Variants in CNOT6L observed in about 807,000 individuals in gnomAD.
The protein encoded by CNOT6L is CCR4-NOT transcription complex subunit 6-like.
Under a neutral mutation model 64.0 loss-of-function variants are expected in CNOT6L, and 7 were observed. The observed-to-expected ratio is 0.11, with a 90% CI of 0.06 to 0.21. CNOT6L has a LOEUF of 0.21. CNOT6L is among the 10% of genes least tolerant of loss of function. The pLI is 1.00. For missense variants in CNOT6L, 245 were observed against 669.0 expected, an observed-to-expected ratio of 0.37 and a Z score of 6.99; for synonymous variants, 193 against 243.4, an observed-to-expected ratio of 0.79 and a Z score of 1.93.
intron 5 of CNOT6L, among the ~76,000 whole-genome samples, chr4:77,753,124 A>T (rs183436585): frequency 9.2e-5 from 14 of 151,520 alleles, no homozygotes; most frequent in Admixed American, 8.5e-4. Flanking sequence ...ATAGAAAGAG[A>T]AATGGAAATC....
At chr4:77,816,269 A>T (rs994476303) in intron 1 of CNOT6L, among the ~76,000 whole-genome samples, 3 of 152,142 alleles carry the variant, frequency 2.0e-5, no homozygotes, top group Non-Finnish European at 1.5e-5. Flanking sequence ...CAAATTAAAA[A>T]ATATATATAT....
rs772685591 is a variant in CNOT6L at position 77,726,258 on chromosome 4, C to T, written c.1364G>A (p.Ser455Asn). The change falls in exon 11 of 12, where the codon AGC (serine) becomes AAC (asparagine). Residue 455 changes from serine (S) to asparagine (N), a missense_variant. This residue lies in a region of CNOT6L where 20 missense variants were observed against 38.3 expected (regional missense o/e 0.52). Transcript: ENST00000504123. ...MNFSCNGKNG[S>N]SEGRITHGFQ... ...GCCATGTGTGATTCTCCCTTCTGAG[C>T]TTCCATTCTTTCCATTGCAGCTGAA... 3.7e-6 allele frequency: 6 copies of T among 1,613,882 alleles called. No individual in the cohort carries two copies. Among genetic ancestry groups the T allele is most frequent in the Non-Finnish European group, 5.1e-6 (6 of 1,179,790 alleles).
At chr4:77,731,679 C>T (rs1722447554) in intron 8 of CNOT6L, 141 bp from the exon 9 acceptor site, 2 of 559,068 alleles carry the variant, frequency 3.6e-6, no homozygotes, top group Non-Finnish European at 5.9e-6. Context: ...GCCACTAAGA[C>T]ACAAGAAGTC....
At chr4:77,734,162 T>G (rs1411784161) in intron 8 of CNOT6L, among the ~76,000 whole-genome samples, 1 of 152,180 alleles carries the variant, frequency 6.6e-6, no homozygotes, top group Non-Finnish European at 1.5e-5. Context: ...CTGAAATGTT[T>G]TGATCTTTTT....
At chr4:77,797,851 T>C (rs1240347642) in intron 1 of CNOT6L, among the ~76,000 whole-genome samples, 1 of 152,180 alleles carries the variant, frequency 6.6e-6, no homozygotes, top group African/African-American at 2.4e-5. Context: ...ATGTTCAACA[T>C]GGATCACAGG....
intron 1 of CNOT6L, among the ~76,000 whole-genome samples, chr4:77,792,490 C>T (rs1257342295): frequency 1.3e-5 from 2 of 152,076 alleles, no homozygotes; most frequent in African/African-American, 2.4e-5. Flanking sequence ...CTTTGGGAGG[C>T]TGAGGTGGGC....
intron 4 of CNOT6L, among the ~76,000 whole-genome samples, chr4:77,765,804 T>C (rs945606031): frequency 3.3e-5 from 5 of 152,200 alleles, no homozygotes; most frequent in African/African-American, 1.2e-4. Flanking sequence ...AGGCAACCCA[T>C]CATTACTATC....
intron 1 of CNOT6L, among the ~76,000 whole-genome samples, chr4:77,784,118 T>C (rs1360068431): frequency 6.6e-6 from 1 of 152,096 alleles, no homozygotes; most frequent in African/African-American, 2.4e-5. Context: ...GATGAGGGCA[T>C]AGTCTAATCG....
chr4:77,757,052 T>G lies in CNOT6L; in HGVS notation c.401-101A>C, dbSNP rs1725648792. On this transcript the variant is annotated intron_variant, in intron 4 of 11. Transcript: ENST00000504123. Reference sequence around the variant, plus strand: ...AAATACTAATTTCTTAAATTCAATTTCTTAAATTGAATTCTACTATATTTA... The same window carrying G: ...AAATACTAATTTCTTAAATTCAATTGCTTAAATTGAATTCTACTATATTTA... 9.1e-6 allele frequency: 5 copies of G among 546,594 alleles called. 1 individual carries two copies. The highest frequency in any genetic ancestry group is 6.5e-5 in the South Asian group (2 of 30,862). 33.9% of individuals were successfully genotyped at this position (546,594 alleles called of 1,614,324 possible).
chr4:77,756,182 T>C (rs948883886), intron 5 of CNOT6L, among the ~76,000 whole-genome samples: 10 of 151,944 alleles, frequency 6.6e-5, no homozygotes, highest in African/African-American at 2.4e-4. Context: ...CGTTTCACCA[T>C]GGTTTCACCA....
intron 2 of CNOT6L, among the ~76,000 whole-genome samples, chr4:77,775,082 ACTG>A (rs1348381676): frequency 6.6e-6 from 1 of 152,176 alleles, no homozygotes; most frequent in East Asian, 1.9e-4. Flanking sequence ...AAGGGGTACT[ACTG>A]CTATCTAGTG....
At chr4:77,794,212 T>G (rs1019184529) in intron 1 of CNOT6L, among the ~76,000 whole-genome samples, 1 of 149,718 alleles carries the variant, frequency 6.7e-6, no homozygotes, top group African/African-American at 2.5e-5. Flanking sequence ...GATTATAGTC[T>G]TATAGTCTGG....
intron 5 of CNOT6L, among the ~76,000 whole-genome samples, chr4:77,750,012 A>G (rs1724679499): frequency 1.3e-5 from 2 of 152,228 alleles, no homozygotes; most frequent in African/African-American, 4.8e-5. Flanking sequence ...AGTCTATGCT[A>G]TAGTTTAAAA....
intron 8 of CNOT6L, among the ~76,000 whole-genome samples, chr4:77,737,135 T>G (rs1723040843): frequency 6.6e-6 from 1 of 152,194 alleles, no homozygotes; most frequent in African/African-American, 2.4e-5. Context: ...TGAATTCATT[T>G]ACAAGTAAAA....
At chr4:77,792,904 T>A (rs1190065403) in intron 1 of CNOT6L, among the ~76,000 whole-genome samples, 1 of 151,034 alleles carries the variant, frequency 6.6e-6, no homozygotes, top group African/African-American at 2.4e-5. Flanking sequence ...CATTTGGCAA[T>A]GTTTAGAGAT....
intron 1 of CNOT6L, 32 bp downstream of exon 1, chr4:77,819,272 C>G: frequency 6.2e-7 from 1 of 1,613,586 alleles, no homozygotes; most frequent in Non-Finnish European, 8.5e-7. Context: ...CCAACACTCT[C>G]GGTCCTACTC....
chr4:77,747,584 A>AT (rs1724341773), intron 6 of CNOT6L, among the ~76,000 whole-genome samples: 2 of 104,696 alleles, frequency 1.9e-5, no homozygotes, highest in Non-Finnish European at 4.4e-5. Context: ...TACTCTTGTG[A>AT]TTAAAAAAAA....
intron 4 of CNOT6L, among the ~76,000 whole-genome samples, chr4:77,761,939 C>A (rs564068823): frequency 2.0e-5 from 3 of 152,078 alleles, no homozygotes; most frequent in African/African-American, 4.8e-5. Flanking sequence ...TAATTCTATA[C>A]AATGAATAAC....
At chr4:77,720,971 T>A (rs1721212394) in intron 11 of CNOT6L, among the ~76,000 whole-genome samples, 1 of 152,202 alleles carries the variant, frequency 6.6e-6, no homozygotes, top group Non-Finnish European at 1.5e-5. Flanking sequence ...ATAAATATAA[T>A]GGAGCCTGTA....
Sources: gnomAD v4.1 joint callset for allele counts (sites outside exome capture counted in the v4.1 genomes callset) on GRCh38, gnomAD v4.1.1 for gene constraint, gnomAD v4.1.1 regional missense constraint, MANE v1.5 for transcripts, NCBI Gene and HGNC (gene_info 2026-07-23, HGNC 2026-07-21) for gene names.